The following PIK3CB variants were observed in gnomAD, a reference collection of about 807,000 sequenced individuals.
PIK3CB encodes the protein phosphatidylinositol 4,5-bisphosphate 3-kinase catalytic subunit beta isoform.
In PIK3CB, 39 loss-of-function variants were observed where a neutral mutation model predicts 136.8. That is an observed-to-expected ratio of 0.29 (90% confidence interval 0.22 to 0.37). The LOEUF is 0.37. Among genes scored for constraint, PIK3CB ranks in the 10% least tolerant of loss-of-function variants. PIK3CB has a pLI of 1.00. For synonymous variants in PIK3CB, 428 were observed against 436.6 expected (o/e 0.98, Z 0.25); for missense variants, 868 against 1,275.4 (o/e 0.68, Z 4.87).
chr3:138,791,303 C>A (rs560133949), intron 2 of PIK3CB, among the ~76,000 whole-genome samples: 1 of 151,972 alleles, frequency 6.6e-6, no homozygotes, highest in Non-Finnish European at 1.5e-5. Flanking sequence ...CCACCACGCC[C>A]GACTGATTTT....
In PIK3CB at chr3:138,714,590, A is replaced by C. The variant is rs769366263; in HGVS notation, c.1180T>G (p.Leu394Val). Reference protein sequence around the residue: ...PLEFDINICDLPRMARLCFAV... With the variant: ...PLEFDINICDVPRMARLCFAV... ...AAACATAATCGAGCCATTCTTGGTA[A>C]GTCACAAATATTAATATCAAATTCC... The change falls in exon 9 of 24, where the codon TTA becomes GTA. Residue 394 changes from leucine to valine, a missense_variant. Leu to Val is a conservative substitution (Grantham distance 32, BLOSUM62 1). Around this residue, in one of 4 missense-constraint regions of PIK3CB, gnomAD observed 612 missense variants for 801.1 expected, o/e 0.76. Coordinates refer to ENST00000674063, the MANE Select transcript of PIK3CB (RefSeq NM_006219.3). 3.1e-6 allele frequency: 5 copies of C among 1,613,708 alleles called. No homozygotes were observed. The East Asian group carries it at 1.1e-4, about 36-fold the overall frequency.
intron 2 of PIK3CB, among the ~76,000 whole-genome samples, chr3:138,781,019 T>C (rs1036578324): frequency 1.3e-5 from 2 of 152,142 alleles, no homozygotes; most frequent in Non-Finnish European, 2.9e-5. Context: ...ATGAAACTTC[T>C]GGGCTCGTGC....
At chr3:138,729,497 C>G (rs925511186) in intron 8 of PIK3CB, among the ~76,000 whole-genome samples, 2 of 152,108 alleles carry the variant, frequency 1.3e-5, no homozygotes, top group Admixed American at 1.3e-4. Context: ...TAGCCTCATC[C>G]AACTAGCTGA....
chr3:138,750,436 C>T (rs890579394), intron 4 of PIK3CB, among the ~76,000 whole-genome samples: 1 of 152,172 alleles, frequency 6.6e-6, no homozygotes, highest in African/African-American at 2.4e-5. Context: ...ATTAGGATCA[C>T]ACAACCTAGA....
At chr3:138,684,039 C>A (rs2043834251) in intron 17 of PIK3CB, among the ~76,000 whole-genome samples, 1 of 152,198 alleles carries the variant, frequency 6.6e-6, no homozygotes, top group Non-Finnish European at 1.5e-5. Context: ...CTTAACATTC[C>A]TTCTCTCGTT....
intron 1 of PIK3CB, among the ~76,000 whole-genome samples, chr3:138,817,389 G>A (rs922258248): frequency 4.6e-5 from 7 of 152,066 alleles, no homozygotes; most frequent in African/African-American, 1.4e-4. Flanking sequence ...GGTGGCGCAT[G>A]CCTGTAATCC....
intron 1 of PIK3CB, among the ~76,000 whole-genome samples, chr3:138,808,479 T>C (rs1205277334): frequency 2.0e-5 from 3 of 152,038 alleles, no homozygotes; most frequent in African/African-American, 7.2e-5. Flanking sequence ...TATAAAGTTG[T>C]TGAACAACTT....
chr3:138,699,225 A>T (rs1577089526), intron 12 of PIK3CB, 130 bp from the exon 13 acceptor site: 2 of 50,808 alleles, frequency 3.9e-5, no homozygotes, highest in Non-Finnish European at 6.1e-5. Context: ...TAATTCCATA[A>T]AAAAAAAAAA....
intron 1 of PIK3CB, among the ~76,000 whole-genome samples, chr3:138,809,686 G>T (rs959526216): frequency 2.7e-5 from 4 of 150,792 alleles, no homozygotes; most frequent in African/African-American, 9.8e-5. Context: ...TAAACAAGAA[G>T]AGGAAGCGAG....
chr3:138,683,778 CT>C lies in PIK3CB; in HGVS notation c.2324del (p.Lys775SerfsTer9). ...TCATTTTGGAATCCATGTATTTGCA[CT>C]TTTCAACACTGAAATCAAGTGGGGA... ...CVILSELYVE[K>X]CKYMDSKMKP... On this transcript the variant is annotated frameshift_variant, in exon 18 of 24. Coordinates refer to ENST00000674063, the MANE Select transcript of PIK3CB (RefSeq NM_006219.3). LOFTEE classifies it high-confidence loss of function. The C allele has an allele frequency of 6.4e-7, 1 of 1,552,788 alleles. No individual in the cohort carries two copies. The highest frequency in any genetic ancestry group is 8.9e-7 in the Non-Finnish European group (1 of 1,124,982).
Position 138,694,958 on chromosome 3 carries a change from T to C in PIK3CB, c.1771-51A>G, listed in dbSNP as rs377144643. 16 of 1,547,642 alleles carry C rather than the reference T, an allele frequency of 1.0e-5. No individual in the cohort carries two copies. The East Asian group carries it at 1.1e-4, about 11-fold the overall frequency. ...GAAATAATGGGGGACAAAAGTAATCTAATTTTCCTTGACACACAGGAGCAC... is the reference window on the plus strand; with the variant it reads ...GAAATAATGGGGGACAAAAGTAATCCAATTTTCCTTGACACACAGGAGCAC... On this transcript the variant is annotated intron_variant, in intron 13 of 23. Transcript: ENST00000674063.
chr3:138,791,235 C>T (rs1265837141), intron 2 of PIK3CB, among the ~76,000 whole-genome samples: 1 of 151,834 alleles, frequency 6.6e-6, no homozygotes, highest in Non-Finnish European at 1.5e-5. Context: ...CTCCACCTCT[C>T]AGGCTCAAGC....
chr3:138,693,733 C>T (rs1384173326), intron 14 of PIK3CB, among the ~76,000 whole-genome samples: 1 of 151,628 alleles, frequency 6.6e-6, no homozygotes, highest in Admixed American at 6.6e-5. Flanking sequence ...ATGATATAAA[C>T]TAATGCATAT....
intron 23 of PIK3CB, 89 bp from the exon 24 acceptor site, chr3:138,655,615 C>T (rs900747606): frequency 3.4e-5 from 33 of 965,908 alleles, no homozygotes; most frequent in Non-Finnish European, 2.3e-5. Context: ...ATTGGTTGTG[C>T]CTCCCCAGCC....
chr3:138,810,662 T>A (rs1371655579), intron 1 of PIK3CB, among the ~76,000 whole-genome samples: 4 of 152,172 alleles, frequency 2.6e-5, no homozygotes, highest in Non-Finnish European at 4.4e-5. Context: ...CTCACGCCTG[T>A]AATCCCAGCA....
chr3:138,685,695 T>C (rs528693114), intron 16 of PIK3CB, among the ~76,000 whole-genome samples: 3 of 152,264 alleles, frequency 2.0e-5, no homozygotes, highest in East Asian at 1.9e-4. Flanking sequence ...AGTGTGAATA[T>C]AGACATGCTA....
At chr3:138,768,911 T>C (rs977642790) in intron 2 of PIK3CB, among the ~76,000 whole-genome samples, 3 of 151,954 alleles carry the variant, frequency 2.0e-5, no homozygotes, top group African/African-American at 7.3e-5. Context: ...GAGGGCAGAG[T>C]GGGCCTTCTT....
chr3:138,815,915 C>G (rs1933305095), intron 1 of PIK3CB, among the ~76,000 whole-genome samples: 1 of 152,220 alleles, frequency 6.6e-6, no homozygotes, highest in Non-Finnish European at 1.5e-5. Context: ...ATCCTCAATA[C>G]ATGGCAGCAA....
At chr3:138,658,986 C>T (rs2043238782) in intron 21 of PIK3CB, among the ~76,000 whole-genome samples, 1 of 152,326 alleles carries the variant, frequency 6.6e-6, no homozygotes, top group South Asian at 2.1e-4. Flanking sequence ...CTTCCCTTTC[C>T]TCTTCTCCCA....
Sources: allele counts gnomAD v4.1 joint callset (sites outside exome capture counted in the v4.1 genomes callset), GRCh38; gene constraint gnomAD v4.1.1; regional missense constraint gnomAD v4.1.1; transcripts MANE v1.5; gene names NCBI Gene and HGNC (gene_info 2026-07-23, HGNC 2026-07-21).